Variants in MARCHF4 observed in about 807,000 individuals in gnomAD.
The protein encoded by MARCHF4 is membrane associated ring-CH-type finger 4.
Under a neutral mutation model 43.9 loss-of-function variants are expected in MARCHF4, and 14 were observed. The observed-to-expected ratio is 0.32, with a 90% CI of 0.21 to 0.50. MARCHF4 has a LOEUF of 0.50. Among genes scored for constraint, MARCHF4 ranks in the 20% least tolerant of loss-of-function variants. The pLI is 0.98. For synonymous variants in MARCHF4, 226 were observed against 213.3 expected, an observed-to-expected ratio of 1.06 and a Z score of -0.52; for missense variants, 468 against 536.7, an observed-to-expected ratio of 0.87 and a Z score of 1.27.
chr2:216,279,951 C>T (rs1449662502), intron 2 of MARCHF4, among the ~76,000 whole-genome samples: 2 of 152,178 alleles, frequency 1.3e-5, no homozygotes, highest in Non-Finnish European at 2.9e-5. Flanking sequence ...TCCTCACTTT[C>T]TCCTGCTCCT....
intron 1 of MARCHF4, among the ~76,000 whole-genome samples, chr2:216,367,329 C>T (rs753493051): frequency 2.6e-5 from 4 of 151,848 alleles, no homozygotes; most frequent in Non-Finnish European, 5.9e-5. Flanking sequence ...CCTCCTCCTC[C>T]TTCTCTCTCT....
intron 1 of MARCHF4, among the ~76,000 whole-genome samples, chr2:216,307,778 C>T (rs781623381): frequency 1.3e-5 from 2 of 152,074 alleles, no homozygotes; most frequent in Admixed American, 6.6e-5. Context: ...TTCATTCATT[C>T]GTTCATGAAA....
chr2:216,295,024 C>G (rs1691369118), intron 1 of MARCHF4, among the ~76,000 whole-genome samples: 1 of 152,210 alleles, frequency 6.6e-6, no homozygotes, highest in Admixed American at 6.5e-5. Flanking sequence ...TGCAGCCTCT[C>G]TTGGTAGCTC....
chr2:216,289,550 T>A (rs1245713570), intron 1 of MARCHF4, among the ~76,000 whole-genome samples: 1 of 152,198 alleles, frequency 6.6e-6, no homozygotes, highest in Admixed American at 6.5e-5. Context: ...AGTCTCCAGT[T>A]GTTTCTCCAT....
chr2:216,268,228 G>T (rs188123710), intron 3 of MARCHF4, among the ~76,000 whole-genome samples: 1 of 152,304 alleles, frequency 6.6e-6, no homozygotes, highest in African/African-American at 2.4e-5. Context: ...CCTGGAGGTT[G>T]TCGGTTTCAC....
chr2:216,315,240 C>T (rs1352438767), intron 1 of MARCHF4, among the ~76,000 whole-genome samples: 1 of 152,120 alleles, frequency 6.6e-6, no homozygotes, highest in African/African-American at 2.4e-5. Flanking sequence ...TTGTTTACTC[C>T]TGATAGTGGC....
At chr2:216,317,378 A>G (rs763158473) in intron 1 of MARCHF4, among the ~76,000 whole-genome samples, 3 of 152,020 alleles carry the variant, frequency 2.0e-5, no homozygotes, top group Non-Finnish European at 4.4e-5. Context: ...TGAGGAGCCA[A>G]TTTGGGTGCC....
At chr2:216,276,793 C>T (rs1323933224) in intron 3 of MARCHF4, among the ~76,000 whole-genome samples, 2 of 152,168 alleles carry the variant, frequency 1.3e-5, no homozygotes, top group Non-Finnish European at 2.9e-5. Flanking sequence ...ACCAGCGCTT[C>T]CCCACCTCCT....
chr2:216,352,967 G>T (rs531412225), intron 1 of MARCHF4, among the ~76,000 whole-genome samples: 6 of 152,310 alleles, frequency 3.9e-5, no homozygotes, highest in African/African-American at 9.6e-5. Flanking sequence ...TTGCAGAATG[G>T]ATGAACTAGA....
At chr2:216,353,636 C>T (rs1021836226) in intron 1 of MARCHF4, among the ~76,000 whole-genome samples, 1 of 152,204 alleles carries the variant, frequency 6.6e-6, no homozygotes, top group Non-Finnish European at 1.5e-5. Context: ...CAACCTCCAC[C>T]TCCCAGGTTC....
intron 1 of MARCHF4, among the ~76,000 whole-genome samples, chr2:216,354,903 CTT>C (rs1280357184): frequency 1.8e-4 from 10 of 55,278 alleles, no homozygotes; most frequent in African/African-American, 9.2e-4. Context: ...TTCTTTCTTT[CTT>C]TCTTTCTTTC....
intron 1 of MARCHF4, among the ~76,000 whole-genome samples, chr2:216,332,292 T>G (rs1692091160): frequency 6.6e-6 from 1 of 150,936 alleles, no homozygotes; most frequent in Non-Finnish European, 1.5e-5. Context: ...CCCAGGACGC[T>G]GAGGCACAAG....
At chr2:216,277,972 G>T in intron 2 of MARCHF4, 108 bp from the exon 3 acceptor site, 1 of 1,079,074 alleles carries the variant, frequency 9.3e-7, no homozygotes, top group Non-Finnish European at 1.3e-6. Flanking sequence ...TAGGATTTAA[G>T]CCAGGGCTTT....
intron 3 of MARCHF4, among the ~76,000 whole-genome samples, chr2:216,273,655 C>T (rs1406115788): frequency 2.0e-5 from 3 of 152,192 alleles, no homozygotes; most frequent in Admixed American, 2.0e-4. Flanking sequence ...AGGGAAGCTT[C>T]CCCCTTTTTC....
intron 2 of MARCHF4, 53 bp downstream of exon 2, chr2:216,283,521 G>A: frequency 1.3e-6 from 2 of 1,524,698 alleles, no homozygotes; most frequent in Admixed American, 1.8e-5. Context: ...GCTAAAGCAG[G>A]TGGTGTGGAA....
intron 3 of MARCHF4, among the ~76,000 whole-genome samples, chr2:216,266,676 T>C (rs1244979126): frequency 6.6e-6 from 1 of 152,164 alleles, no homozygotes; most frequent in East Asian, 1.9e-4. Flanking sequence ...AGCCCTACCA[T>C]TGCCAACCAC....
At position 216,369,357 on chromosome 2, in the gene MARCHF4, A is replaced by G. The variant is rs190380560; in HGVS notation, c.516+388T>C. 4.6e-5 allele frequency among the ~76,000 whole-genome samples: 7 copies of G among 152,370 alleles called. No homozygotes were observed. The East Asian group carries it at 5.8e-4, about 13-fold the overall frequency. Reference sequence around the variant, plus strand: ...GGAAGAAGTTGGGATATGGGACTGAAGATGGGCTAGACGAAATGTTACTAA... The same window carrying G: ...GGAAGAAGTTGGGATATGGGACTGAGGATGGGCTAGACGAAATGTTACTAA... On this transcript the variant is annotated intron_variant, in intron 1 of 3. Transcript: ENST00000273067.
chr2:216,290,630 G>T (rs539384171), intron 1 of MARCHF4, among the ~76,000 whole-genome samples: 2 of 152,282 alleles, frequency 1.3e-5, no homozygotes, highest in South Asian at 4.2e-4. Flanking sequence ...GGAAATAAGG[G>T]CTGGTGTTGT....
At chr2:216,364,942 A>C (rs1692642193) in intron 1 of MARCHF4, among the ~76,000 whole-genome samples, 2 of 152,194 alleles carry the variant, frequency 1.3e-5, no homozygotes, top group African/African-American at 4.8e-5. Context: ...TGTTAGCTGG[A>C]TTTACTACTT....
Sources: gnomAD v4.1 joint callset for allele counts (sites outside exome capture counted in the v4.1 genomes callset) on GRCh38, gnomAD v4.1.1 for gene constraint, MANE v1.5 for transcripts, NCBI Gene and HGNC (gene_info 2026-07-23, HGNC 2026-07-21) for gene names.